VAX2: variants seen among roughly 807,000 people sequenced by gnomAD.
The protein encoded by VAX2 is ventral anterior homeobox 2.
A neutral mutation model predicts 12.5 loss-of-function variants in VAX2; 8 were observed. The ratio of observed to expected loss-of-function variants is 0.64; its 90% confidence interval spans 0.37 to 1.15. The LOEUF is 1.15. Ranked by LOEUF, VAX2 falls within the 50% of genes most tolerant of loss-of-function variation. VAX2 has a pLI of 0.01. For missense variants in VAX2, 476 were observed against 412.9 expected, an observed-to-expected ratio of 1.15 and a Z score of -1.32; for synonymous variants, 183 against 187.6, an observed-to-expected ratio of 0.98 and a Z score of 0.20.
Position 70,912,523 on chromosome 2 carries a change from G to A in VAX2, c.248-8575G>A, listed in dbSNP as rs370934383. On this transcript the variant is annotated intron_variant, in intron 1 of 2. Coordinates refer to ENST00000234392, the MANE Select transcript of VAX2 (RefSeq NM_012476.3). ...CTAAAAATACAAAAATTAGCCAGGC[G>A]CGGTGGTGGGCGCCTGTAATCCCAT... Among the ~76,000 whole-genome samples, 10 of 152,220 alleles carry A rather than the reference G, an allele frequency of 6.6e-5. No individual in the cohort carries two copies. In the East Asian group the frequency reaches 9.7e-4, roughly 15 times the overall value.
Position 70,900,865 on chromosome 2 carries a change from C to A in VAX2, c.244C>A (p.Arg82=). The A allele has an allele frequency of 7.1e-7, 1 of 1,417,342 alleles. No homozygotes were observed. The highest frequency in any genetic ancestry group is 9.2e-7 in the Non-Finnish European group (1 of 1,081,598). The allele number at this position is 1,417,342 out of a possible 1,614,324, so 87.8% of individuals were successfully genotyped here. ...AGACCACTGCCGCCGCATACTGGTG[C>A]GAGGTAAGGGGACAGCCCGCGGCCC... ...EADHCRRILV[R]DAKGTIREIV... is the part of the protein sequence containing the mutation. The change falls in exon 1 of 3, where the codon CGA becomes AGA. Residue 82 remains arginine, a synonymous_variant. Transcript: ENST00000234392.
chr2:70,931,659 A>G (rs1247533743), intron 2 of VAX2, among the ~76,000 whole-genome samples: 1 of 152,226 alleles, frequency 6.6e-6, no homozygotes, highest in African/African-American at 2.4e-5. Context: ...CAAAGTGTCC[A>G]GTTTCAGAAT....
intron 2 of VAX2, among the ~76,000 whole-genome samples, chr2:70,928,818 C>A (rs12373716): frequency 2.2e-4 from 34 of 152,244 alleles, no homozygotes; most frequent in Admixed American, 9.2e-4. Context: ...AGAAAGCCAG[C>A]GATAAATAAC....
intron 1 of VAX2, among the ~76,000 whole-genome samples, chr2:70,920,203 A>T (rs1382711466): frequency 6.6e-6 from 1 of 152,206 alleles, no homozygotes; most frequent in Non-Finnish European, 1.5e-5. Context: ...GTGATGCTGC[A>T]TATTTCCACA....
chr2:70,928,396 G>A (rs1679619127), intron 2 of VAX2, among the ~76,000 whole-genome samples: 1 of 152,210 alleles, frequency 6.6e-6, no homozygotes, highest in Non-Finnish European at 1.5e-5. Context: ...CATCATCCCA[G>A]AAAATTCCAG....
At chr2:70,915,043 T>C (rs1328332299) in intron 1 of VAX2, among the ~76,000 whole-genome samples, 1 of 152,048 alleles carries the variant, frequency 6.6e-6, no homozygotes, top group Non-Finnish European at 1.5e-5. Flanking sequence ...TCAAGTGATC[T>C]GCCCACCTCG....
intron 1 of VAX2, among the ~76,000 whole-genome samples, chr2:70,901,448 C>G (rs1207920178): frequency 1.3e-5 from 2 of 152,374 alleles, no homozygotes; most frequent in Admixed American, 1.3e-4. Context: ...TCTCTCGGTT[C>G]CCACTTCCTC....
At chr2:70,932,679 C>G in intron 2 of VAX2, 88 bp from the exon 3 acceptor site, 1 of 579,688 alleles carries the variant, frequency 1.7e-6, no homozygotes, top group Non-Finnish European at 2.6e-6. Context: ...CAACCCCATG[C>G]CCTTCCTCTC....
At chr2:70,907,599 G>C (rs924300604) in intron 1 of VAX2, among the ~76,000 whole-genome samples, 1 of 152,234 alleles carries the variant, frequency 6.6e-6, no homozygotes, top group East Asian at 1.9e-4. Context: ...AGCCCACCGC[G>C]TCCACCCGCG....
At chr2:70,921,076 G>T (rs781846593) in intron 1 of VAX2, 22 bp from the exon 2 acceptor site, 1 of 1,546,520 alleles carries the variant, frequency 6.5e-7, no homozygotes, top group African/African-American at 1.4e-5. Flanking sequence ...AACTAAGCTG[G>T]CTCCTTTCAT....
chr2:70,927,688 G>A (rs1553413727), intron 2 of VAX2, among the ~76,000 whole-genome samples: 2 of 152,048 alleles, frequency 1.3e-5, no homozygotes, highest in Non-Finnish European at 2.9e-5. Context: ...CTGTAGTCCT[G>A]GCAGCCAAGT....
intron 1 of VAX2, among the ~76,000 whole-genome samples, chr2:70,911,683 T>C (rs1282773889): frequency 6.6e-6 from 1 of 152,230 alleles, no homozygotes; most frequent in African/African-American, 2.4e-5. Context: ...ATTTTTCTGA[T>C]TCCTCTAGCC....
intron 1 of VAX2, among the ~76,000 whole-genome samples, chr2:70,905,041 G>A (rs1553410410): frequency 6.6e-6 from 1 of 152,184 alleles, no homozygotes; most frequent in Non-Finnish European, 1.5e-5. Context: ...CCAGCAGCCG[G>A]GTCCAGGCTC....
At chr2:70,901,515 C>A (rs1202322124) in intron 1 of VAX2, among the ~76,000 whole-genome samples, 1 of 152,216 alleles carries the variant, frequency 6.6e-6, no homozygotes, top group East Asian at 1.9e-4. Context: ...TGGCCTTTCA[C>A]GTCCTTCTCT....
chr2:70,915,868 C>T (rs12328484), intron 1 of VAX2, among the ~76,000 whole-genome samples: 161 of 152,248 alleles, frequency 1.1e-3, no homozygotes, highest in African/African-American at 3.7e-3. Flanking sequence ...TGTTTCCCCA[C>T]ATGCAGTCAT....
At chr2:70,930,706 T>C (rs574611502) in intron 2 of VAX2, among the ~76,000 whole-genome samples, 1 of 152,324 alleles carries the variant, frequency 6.6e-6, no homozygotes, top group East Asian at 1.9e-4. Context: ...CTGCCTGTCT[T>C]CTTAACCTGG....
chr2:70,902,611 T>C (rs1285461692), intron 1 of VAX2, among the ~76,000 whole-genome samples: 3 of 152,178 alleles, frequency 2.0e-5, no homozygotes, highest in African/African-American at 7.2e-5. Context: ...CCCAGGACAA[T>C]TGTGAGTTCT....
At chr2:70,913,926 C>T (rs1466141624) in intron 1 of VAX2, among the ~76,000 whole-genome samples, 1 of 152,150 alleles carries the variant, frequency 6.6e-6, no homozygotes, top group Non-Finnish European at 1.5e-5. Flanking sequence ...CTGTAACTTA[C>T]TTTCATACAC....
At chr2:70,923,926 G>C (rs1251153502) in intron 2 of VAX2, among the ~76,000 whole-genome samples, 1 of 152,164 alleles carries the variant, frequency 6.6e-6, no homozygotes, top group African/African-American at 2.4e-5. Context: ...CAGGAGTCCA[G>C]GAGTTCAAGA....
Sources: gnomAD v4.1 joint callset for allele counts (sites outside exome capture counted in the v4.1 genomes callset) on GRCh38, gnomAD v4.1.1 for gene constraint, MANE v1.5 for transcripts, NCBI Gene and HGNC (gene_info 2026-07-23, HGNC 2026-07-21) for gene names.